CFAP52: variants seen among roughly 807,000 people sequenced by gnomAD.
The protein encoded by CFAP52 is cilia and flagella associated protein 52.
CFAP52 carries 57 observed loss-of-function variants against 70.5 expected under a neutral mutation model. The ratio of observed to expected loss-of-function variants is 0.81; its 90% CI spans 0.65 to 1.01. The LOEUF (loss-of-function observed/expected upper bound fraction) is 1.01. Ranked by LOEUF, CFAP52 falls within the 50% of genes least tolerant of loss-of-function variation. The pLI is 0.00. For synonymous variants in CFAP52, 267 were observed against 292.5 expected (o/e 0.91, Z 0.89); for missense variants, 785 against 788.5 (o/e 1.00, Z 0.05).
intron 4 of CFAP52, among the ~76,000 whole-genome samples, chr17:9,596,049 A>ATG (rs1445578110): frequency 1.2e-3 from 47 of 39,300 alleles, no homozygotes; most frequent in African/African-American, 1.4e-3. Flanking sequence ...ATGTAGATAT[A>ATG]TATGTGTGTG....
intron 7 of CFAP52, 70 bp from the exon 8 acceptor site, chr17:9,612,239 A>T: frequency 1.3e-6 from 2 of 1,556,286 alleles, no homozygotes; most frequent in Non-Finnish European, 1.8e-6. Context: ...ATCCTCTGCC[A>T]TGCTTCACAT....
At chr17:9,630,985 C>CA (rs1238713027) in intron 9 of CFAP52, among the ~76,000 whole-genome samples, 4 of 92,704 alleles carry the variant, frequency 4.3e-5, no homozygotes, top group Middle Eastern at 6.4e-3. Context: ...GACTCCATCT[C>CA]AAAAAAAAGA....
chr17:9,630,124 C>G (rs1321129623), intron 9 of CFAP52, among the ~76,000 whole-genome samples: 1 of 151,886 alleles, frequency 6.6e-6, no homozygotes, highest in Non-Finnish European at 1.5e-5. Context: ...TCCCTCACCC[C>G]TCATTATCTT....
At chr17:9,586,080 CCTT>C (rs766313738) in intron 2 of CFAP52, 108 bp downstream of exon 2, 41 of 1,131,998 alleles carry the variant, frequency 3.6e-5, no homozygotes, top group East Asian at 3.2e-4. Flanking sequence ...CTTTATTCTT[CCTT>C]CTTCTTCTTT....
intron 6 of CFAP52, 118 bp from the exon 7 acceptor site, chr17:9,608,001 A>AT: frequency 3.8e-5 from 26 of 692,622 alleles, no homozygotes; most frequent in Non-Finnish European, 5.1e-5. Context: ...AATATTTAAA[A>AT]TTTTTTTTAT....
At position 9,598,191 on chromosome 17, in the gene CFAP52, G is replaced by A. The variant is rs757630300; in HGVS notation, c.537-43G>A. The A allele has an allele frequency of 7.2e-5, 102 of 1,423,800 alleles. No homozygotes were observed. The Middle Eastern group carries it at 8.0e-4, about 11-fold the overall frequency. 88.2% of individuals were successfully genotyped at this position (1,423,800 alleles called of 1,614,324 possible). Reference sequence around the variant, plus strand: ...CAGGGATGAAGTGATTATTAAATGGGTGTCCATTTGATTGTGGTTTTTTGT... The same window carrying A: ...CAGGGATGAAGTGATTATTAAATGGATGTCCATTTGATTGTGGTTTTTTGT... On this transcript the variant is annotated intron_variant, in intron 4 of 13. Transcript: ENST00000352665.
chr17:9,608,388 C>T (rs957587236), intron 7 of CFAP52, among the ~76,000 whole-genome samples, 169 bp downstream of exon 7: 5 of 152,130 alleles, frequency 3.3e-5, no homozygotes, highest in South Asian at 4.1e-4. Flanking sequence ...TCTTTGTCAA[C>T]GAAAAGACAA....
intron 12 of CFAP52, among the ~76,000 whole-genome samples, chr17:9,640,221 A>G (rs1038994302): frequency 5.0e-5 from 7 of 140,456 alleles, no homozygotes; most frequent in Admixed American, 4.4e-4. Flanking sequence ...CTGGTCAAGC[A>G]CTCTTTTTTT....
In CFAP52 at chr17:9,576,731, G is replaced by A. The variant is rs754404537; in HGVS notation, c.36G>A (p.Ala12=). The A allele has an allele frequency of 2.5e-6, 4 of 1,612,364 alleles. No individual in the cohort carries two copies. The highest frequency in any genetic ancestry group is 1.7e-5 in the Admixed American group (1 of 59,816). The change falls in exon 1 of 14, where the codon GCG becomes GCA. Residue 12 remains alanine (A), a synonymous_variant. Transcript: ENST00000352665. ...DNKISPEAQV[A]ELELDAVIGF... is the part of the protein sequence containing the mutation. The stretch of plus-strand genomic sequence containing the variant: ...AAATTTCGCCGGAGGCCCAAGTGGC[G>A]GAGCTGGAACTTGACGCCGTGATCG...
In CFAP52 at chr17:9,628,825, C is replaced by G; in HGVS notation, c.1174+5C>G. 1 of 1,613,982 alleles carries G rather than the reference C, an allele frequency of 6.2e-7. No individual in the cohort carries two copies. The highest frequency in any genetic ancestry group is 8.5e-7 in the Non-Finnish European group (1 of 1,179,930). On this transcript the variant is annotated splice_donor_5th_base_variant and intron_variant, in intron 9 of 13. Transcript: ENST00000352665. ...ACGGCAAAAGCATCATTTCAGGTAA[C>G]GTCCACATGTCAAGATCTGGCTTGG... is the stretch of plus-strand genomic sequence containing the variant.
intron 5 of CFAP52, 49 bp downstream of exon 5, chr17:9,598,382 A>G (rs761762667): frequency 6.6e-7 from 1 of 1,506,496 alleles, no homozygotes; most frequent in South Asian, 1.1e-5. Flanking sequence ...CGTTCCTGTT[A>G]GCAGTGCTGA....
intron 1 of CFAP52, among the ~76,000 whole-genome samples, chr17:9,581,821 T>G (rs1051821500): frequency 1.3e-5 from 2 of 152,224 alleles, no homozygotes; most frequent in Non-Finnish European, 2.9e-5. Context: ...GTAACATAAT[T>G]GGCTCAGCCA....
At chr17:9,612,256 T>C in intron 7 of CFAP52, 53 bp from the exon 8 acceptor site, 5 of 1,592,212 alleles carry the variant, frequency 3.1e-6, no homozygotes, top group Non-Finnish European at 4.3e-6. Context: ...ACATGATTCG[T>C]AACTACTTAC....
chr17:9,580,966 C>A (rs567979763), intron 1 of CFAP52, among the ~76,000 whole-genome samples: 1 of 152,090 alleles, frequency 6.6e-6, no homozygotes, highest in Non-Finnish European at 1.5e-5. Flanking sequence ...GTGATATTGT[C>A]TATAATAGCT....
intron 9 of CFAP52, among the ~76,000 whole-genome samples, chr17:9,631,052 G>GAGAGAGAGAGAGAAAGAA (rs370935367): frequency 4.0e-4 from 15 of 37,954 alleles, no homozygotes; most frequent in East Asian, 2.3e-3. Context: ...GAGAGAGAGA[G>GAGAGAGAGAGAGAAAGAA]AGAAAGAAAG....
Position 9,585,986 on chromosome 17 carries a change from A to G in CFAP52, c.270+14A>G, listed in dbSNP as rs371231134. ...ATGGGGTTCAAGGTGAATACAGTGA[A>G]AACGACTCATTGTCAATTTATCTAG... On this transcript the variant is annotated intron_variant, in intron 2 of 13. Transcript: ENST00000352665. The G allele has an allele frequency of 4.3e-6, 7 of 1,612,764 alleles. No individual in the cohort carries two copies. Among genetic ancestry groups the G allele is most frequent in the Non-Finnish European group, 4.2e-6 (5 of 1,179,270 alleles).
At chr17:9,638,001 T>C (rs554519502) in intron 11 of CFAP52, among the ~76,000 whole-genome samples, 1 of 152,178 alleles carries the variant, frequency 6.6e-6, no homozygotes. Context: ...TCTTACCATA[T>C]GCAGACAAGG....
chr17:9,631,452 G>A (rs376630630), intron 9 of CFAP52, among the ~76,000 whole-genome samples: 2 of 152,118 alleles, frequency 1.3e-5, no homozygotes, highest in African/African-American at 4.8e-5. Flanking sequence ...AACTGCTAAG[G>A]TCAAGAGGTG....
intron 9 of CFAP52, among the ~76,000 whole-genome samples, chr17:9,629,043 T>A (rs1259074080): frequency 6.6e-6 from 1 of 152,182 alleles, no homozygotes; most frequent in African/African-American, 2.4e-5. Flanking sequence ...CCCACATTGC[T>A]GCATATAGCG....
Sources: gnomAD v4.1 joint callset for allele counts (sites outside exome capture counted in the v4.1 genomes callset) on GRCh38, gnomAD v4.1.1 for gene constraint, MANE v1.5 for transcripts, NCBI Gene and HGNC (gene_info 2026-07-23, HGNC 2026-07-21) for gene names.